Variants in ASTN2 observed in about 807,000 individuals in gnomAD.
ASTN2 encodes the protein astrotactin-2.
In ASTN2, 54 loss-of-function variants were observed where a neutral mutation model predicts 139.8. That is an observed-to-expected ratio of 0.39 (90% CI 0.31 to 0.48). The LOEUF is 0.48. Ranked by LOEUF, ASTN2 falls within the 20% of genes least tolerant of loss-of-function variation. ASTN2 has a pLI of 0.95. For missense variants in ASTN2, 1,565 were observed against 1,725.1 expected (o/e 0.91, Z 1.64); for synonymous variants, 756 against 719.5 (o/e 1.05, Z -0.81).
At chr9:117,127,923 A>G (rs368465890) in intron 4 of ASTN2, among the ~76,000 whole-genome samples, 59 of 151,486 alleles carry the variant, frequency 3.9e-4, no homozygotes, top group African/African-American at 1.3e-3. Flanking sequence ...CTCGTGATCC[A>G]CCCGCCTCGG....
chr9:116,513,177 C>G (rs1850479449), intron 19 of ASTN2, among the ~76,000 whole-genome samples: 1 of 152,132 alleles, frequency 6.6e-6, no homozygotes, highest in Admixed American at 6.5e-5. Flanking sequence ...CTTTCAGGAG[C>G]TCTTGTAGGG....
chr9:116,524,772 C>T (rs1006654451), intron 19 of ASTN2, among the ~76,000 whole-genome samples: 22 of 152,190 alleles, frequency 1.4e-4, no homozygotes, highest in African/African-American at 5.1e-4. Flanking sequence ...GGCATTCCTT[C>T]TCAGGGTTAC....
chr9:116,594,247 T>C (rs1383322945), intron 19 of ASTN2, among the ~76,000 whole-genome samples: 2 of 152,212 alleles, frequency 1.3e-5, no homozygotes, highest in East Asian at 3.9e-4. Context: ...CTGGGTCCTG[T>C]TCATGATCCT....
At chr9:116,905,195 A>G (rs1834122525) in intron 10 of ASTN2, among the ~76,000 whole-genome samples, 1 of 152,168 alleles carries the variant, frequency 6.6e-6, no homozygotes, top group African/African-American at 2.4e-5. Context: ...TTTCCTGTAC[A>G]GAAGAGCGTG....
rs371329826 is a variant in ASTN2, at chr9:116,725,880, G to A, written c.2697C>T (p.His899=). ...CCTCTGCGATGTAGTGGGAGCCATA[G>A]TGCTGGATGAAGGACAGCAGCTCCT... is the stretch of plus-strand genomic sequence containing the variant. ...SREELLSFIQ[H]YGSHYIAEAL... Residue 899 remains histidine (H), a synonymous_variant, in exon 16 of 23, where the codon CAC becomes CAT. Coordinates refer to ENST00000313400, the MANE Select transcript of ASTN2 (RefSeq NM_001365068.1). 1.9e-6 allele frequency: 3 copies of A among 1,614,112 alleles called. No homozygotes were observed. Among genetic ancestry groups the A allele is most frequent in the East Asian group, 2.2e-5 (1 of 44,870 alleles).
chr9:116,862,472 G>A (rs1832908212), intron 11 of ASTN2, among the ~76,000 whole-genome samples: 1 of 152,162 alleles, frequency 6.6e-6, no homozygotes, highest in Non-Finnish European at 1.5e-5. Flanking sequence ...GTATGGAAAA[G>A]AGGGTCACCT....
intron 4 of ASTN2, among the ~76,000 whole-genome samples, chr9:117,125,786 TAAAA>T (rs1829671112): frequency 6.6e-6 from 1 of 150,766 alleles, no homozygotes; most frequent in Non-Finnish European, 1.5e-5. Context: ...AGGCGGCTGT[TAAAA>T]GGATATAAAT....
intron 14 of ASTN2, among the ~76,000 whole-genome samples, chr9:116,730,868 C>T (rs1334258299): frequency 6.6e-6 from 1 of 152,186 alleles, no homozygotes; most frequent in Non-Finnish European, 1.5e-5. Flanking sequence ...CACTTCCTTC[C>T]ATCTCTGCTC....
At chr9:116,955,321 T>C (rs1588438786) in intron 10 of ASTN2, among the ~76,000 whole-genome samples, 1 of 152,242 alleles carries the variant, frequency 6.6e-6, no homozygotes, top group East Asian at 1.9e-4. Flanking sequence ...CTCATTATGA[T>C]GAAGAGAAGT....
intron 2 of ASTN2, among the ~76,000 whole-genome samples, chr9:117,239,321 G>A (rs1833139548): frequency 6.6e-6 from 1 of 152,086 alleles, no homozygotes; most frequent in South Asian, 2.1e-4. Context: ...CCTCCCCAGA[G>A]GATTACAAGT....
chr9:116,798,449 G>T (rs1245111557), intron 13 of ASTN2, among the ~76,000 whole-genome samples: 11 of 152,194 alleles, frequency 7.2e-5, no homozygotes, highest in Admixed American at 5.9e-4. Context: ...AGCCTTGAAG[G>T]CATGACTGTT....
At chr9:117,368,062 G>A (rs545975105) in intron 1 of ASTN2, among the ~76,000 whole-genome samples, 1 of 152,244 alleles carries the variant, frequency 6.6e-6, no homozygotes, top group Non-Finnish European at 1.5e-5. Flanking sequence ...AAGTGAGCTT[G>A]AATAGAAGAT....
chr9:116,427,186 T>C (rs1847335667), intron 22 of ASTN2, among the ~76,000 whole-genome samples: 1 of 152,106 alleles, frequency 6.6e-6, no homozygotes, highest in Admixed American at 6.5e-5. Context: ...CTATAGGACA[T>C]TTAGCAGCAT....
chr9:117,105,480 G>T (rs1444914465), intron 4 of ASTN2, among the ~76,000 whole-genome samples: 1 of 152,136 alleles, frequency 6.6e-6, no homozygotes, highest in Non-Finnish European at 1.5e-5. Context: ...TCTGTTACCC[G>T]TGGATGTTTT....
intron 16 of ASTN2, among the ~76,000 whole-genome samples, chr9:116,680,017 T>C (rs897777757): frequency 6.6e-6 from 1 of 151,748 alleles, no homozygotes; most frequent in Non-Finnish European, 1.5e-5. Flanking sequence ...AAGAAATAAC[T>C]AAAATCAGAG....
At chr9:117,276,113 T>A (rs540489957) in intron 2 of ASTN2, among the ~76,000 whole-genome samples, 1 of 152,336 alleles carries the variant, frequency 6.6e-6, no homozygotes, top group Admixed American at 6.5e-5. Flanking sequence ...CATTTGAGCT[T>A]CAAGAACAGC....
chr9:117,004,930 T>C (rs1343000000), intron 7 of ASTN2, among the ~76,000 whole-genome samples: 1 of 152,132 alleles, frequency 6.6e-6, no homozygotes, highest in Non-Finnish European at 1.5e-5. Context: ...GAGTATCAAC[T>C]ATGAATAAGA....
At chr9:116,478,490 G>A (rs1456447393) in intron 20 of ASTN2, among the ~76,000 whole-genome samples, 1 of 152,010 alleles carries the variant, frequency 6.6e-6, no homozygotes, top group African/African-American at 2.4e-5. Context: ...TTTCCTCTTT[G>A]CTCCCTTCTC....
At chr9:117,314,011 T>C (rs1441777957) in intron 1 of ASTN2, among the ~76,000 whole-genome samples, 1 of 152,166 alleles carries the variant, frequency 6.6e-6, no homozygotes, top group African/African-American at 2.4e-5. Context: ...ACAAAAGCAT[T>C]ATGTATCTTT....
Sources: gnomAD v4.1 joint callset for allele counts (sites outside exome capture counted in the v4.1 genomes callset) on GRCh38, gnomAD v4.1.1 for gene constraint, MANE v1.5 for transcripts, NCBI Gene and HGNC (gene_info 2026-07-23, HGNC 2026-07-21) for gene names.